Variants in CNTNAP2 observed in about 807,000 individuals in gnomAD.
CNTNAP2 encodes the protein contactin-associated protein-like 2.
In CNTNAP2, 98 loss-of-function variants were observed where a neutral mutation model predicts 155.2. That is an observed-to-expected ratio of 0.63 (90% CI 0.54 to 0.75). The LOEUF is 0.75. Among genes scored for constraint, CNTNAP2 ranks in the 30% least tolerant of loss-of-function variants. CNTNAP2 has a pLI of 0.00. For missense variants in CNTNAP2, 1,727 were observed against 1,688.1 expected, an observed-to-expected ratio of 1.02 and a Z score of -0.40; for synonymous variants, 651 against 631.2, an observed-to-expected ratio of 1.03 and a Z score of -0.47.
chr7:146,459,243 T>C (rs972873131), intron 1 of CNTNAP2, among the ~76,000 whole-genome samples: 12 of 152,162 alleles, frequency 7.9e-5, no homozygotes, highest in African/African-American at 2.7e-4. Flanking sequence ...ACTCCTTCCA[T>C]GGTTTTCCAA....
At chr7:147,051,176 A>G in intron 4 of CNTNAP2, among the ~76,000 whole-genome samples, 1 of 121,098 alleles carries the variant, frequency 8.3e-6, no homozygotes, top group Middle Eastern at 4.0e-3. Context: ...TTATATATAC[A>G]TATATATGTA....
chr7:146,707,791 T>A (rs1003685934), intron 1 of CNTNAP2, among the ~76,000 whole-genome samples: 2 of 152,200 alleles, frequency 1.3e-5, no homozygotes, highest in African/African-American at 4.8e-5. Flanking sequence ...ATTTGTGTCA[T>A]TATCAAAATA....
At chr7:148,267,147 G>C in intron 21 of CNTNAP2, 21 bp downstream of exon 21, 1 of 1,569,738 alleles carries the variant, frequency 6.4e-7, no homozygotes, top group Non-Finnish European at 8.8e-7. Context: ...GGTTCGTTAG[G>C]TATAAATGCG....
At chr7:146,734,015 T>A (rs1252900995) in intron 1 of CNTNAP2, among the ~76,000 whole-genome samples, 1 of 152,270 alleles carries the variant, frequency 6.6e-6, no homozygotes, top group East Asian at 1.9e-4. Context: ...TTATAGATAT[T>A]TAATGAGTCA....
chr7:147,407,640 C>T (rs1797032721), intron 10 of CNTNAP2, among the ~76,000 whole-genome samples: 2 of 140,564 alleles, frequency 1.4e-5, no homozygotes, highest in African/African-American at 5.7e-5. Context: ...AGGATCTCTT[C>T]TCCCAGAACA....
At chr7:146,837,078 G>A (rs1490385868) in intron 2 of CNTNAP2, among the ~76,000 whole-genome samples, 2 of 151,946 alleles carry the variant, frequency 1.3e-5, no homozygotes, top group African/African-American at 4.8e-5. Flanking sequence ...CTCCTGCCTG[G>A]AATTCAATAA....
intron 8 of CNTNAP2, among the ~76,000 whole-genome samples, chr7:147,296,821 A>G (rs1172784289): frequency 2.6e-5 from 4 of 152,150 alleles, no homozygotes; most frequent in African/African-American, 9.7e-5. Flanking sequence ...TACTATGGGC[A>G]CCTGAGTTCT....
chr7:147,096,374 TAA>T (rs1418713203), intron 4 of CNTNAP2, among the ~76,000 whole-genome samples: 2 of 152,242 alleles, frequency 1.3e-5, no homozygotes, highest in East Asian at 3.9e-4. Context: ...CTGCATATCA[TAA>T]GTTACCTCCA....
rs189204635 is a variant in CNTNAP2 at position 148,111,713 on chromosome 7, A to T, written c.2384-6405A>T. Among the ~76,000 whole-genome samples, 1,098 of 152,346 alleles carry T rather than the reference A, an allele frequency of 7.2e-3. 38 individuals carry two copies. The highest frequency in any genetic ancestry group is 0.061 in the Admixed American group (936 of 15,290). On this transcript the variant is annotated intron_variant, in intron 15 of 23. Coordinates refer to ENST00000361727, the MANE Select transcript of CNTNAP2 (RefSeq NM_014141.6). The stretch of plus-strand genomic sequence containing the variant: ...GAAAGGAAAAAAATGTAGGTTGCAT[A>T]TAAGGCTTCGTAAACAGAAAGCAGT...
chr7:148,103,122 G>A (rs549776511), intron 15 of CNTNAP2, among the ~76,000 whole-genome samples: 5 of 151,952 alleles, frequency 3.3e-5, no homozygotes, highest in East Asian at 1.9e-4. Context: ...ACAGGTATGC[G>A]TTTATCTCAG....
intron 15 of CNTNAP2, among the ~76,000 whole-genome samples, chr7:148,045,087 CAA>C (rs781502563): frequency 5.3e-5 from 8 of 152,068 alleles, no homozygotes; most frequent in Non-Finnish European, 1.2e-4. Context: ...TCAGGTGAGA[CAA>C]AGAGGAGATC....
chr7:147,750,567 T>C lies in CNTNAP2; in HGVS notation c.2098+111261T>C, dbSNP rs142219159. Among the ~76,000 whole-genome samples, 131 of 152,358 alleles carry C rather than the reference T, an allele frequency of 8.6e-4. 1 individual carries two copies. Among genetic ancestry groups the C allele is most frequent in the African/African-American group, 3.1e-3 (129 of 41,582 alleles). The stretch of plus-strand genomic sequence containing the variant: ...CTTCTTTAGAAAGGTCTGTACTTCA[T>C]AGGTGACTTTCCCAAAGCCATGATG... On this transcript the variant is annotated intron_variant, in intron 13 of 23. Transcript: ENST00000361727.
intron 2 of CNTNAP2, among the ~76,000 whole-genome samples, chr7:146,797,050 G>A (rs1017986908): frequency 2.6e-5 from 4 of 152,008 alleles, no homozygotes; most frequent in Non-Finnish European, 5.9e-5. Context: ...GCAGGAGAAT[G>A]GTGTGAACCC....
chr7:146,498,765 A>T (rs545586935), intron 1 of CNTNAP2, among the ~76,000 whole-genome samples: 1 of 152,250 alleles, frequency 6.6e-6, no homozygotes, highest in South Asian at 2.1e-4. Context: ...GGAGAGGAGA[A>T]CTAATTTTTA....
chr7:147,765,188 A>C (rs1379572626), intron 13 of CNTNAP2, among the ~76,000 whole-genome samples: 5 of 152,088 alleles, frequency 3.3e-5, no homozygotes, highest in Non-Finnish European at 7.4e-5. Flanking sequence ...AACATTCAAC[A>C]CCTATGATAT....
chr7:146,982,327 G>A (rs919118025), intron 3 of CNTNAP2, among the ~76,000 whole-genome samples: 1 of 152,006 alleles, frequency 6.6e-6, no homozygotes, highest in African/African-American at 2.4e-5. Context: ...ATAAGATCAT[G>A]TTATGTACTA....
intron 1 of CNTNAP2, among the ~76,000 whole-genome samples, chr7:146,701,280 A>G (rs940665699): frequency 6.6e-6 from 1 of 152,166 alleles, no homozygotes; most frequent in South Asian, 2.1e-4. Context: ...TTAGACCTCC[A>G]GATGCCCCTC....
chr7:147,813,737 A>T (rs897362348), intron 13 of CNTNAP2, among the ~76,000 whole-genome samples: 1 of 152,214 alleles, frequency 6.6e-6, no homozygotes, highest in African/African-American at 2.4e-5. Context: ...TATTCTGCAC[A>T]TGCACGCACG....
intron 8 of CNTNAP2, among the ~76,000 whole-genome samples, chr7:147,265,414 GAC>G (rs1804584607): frequency 6.6e-6 from 1 of 152,072 alleles, no homozygotes; most frequent in Non-Finnish European, 1.5e-5. Flanking sequence ...GCCTCTTTAG[GAC>G]AGACTCTGAC....
Sources: allele counts gnomAD v4.1 joint callset (sites outside exome capture counted in the v4.1 genomes callset), GRCh38; gene constraint gnomAD v4.1.1; transcripts MANE v1.5; gene names NCBI Gene and HGNC (gene_info 2026-07-23, HGNC 2026-07-21).